TRPM3: variants seen among roughly 807,000 people sequenced by gnomAD.
The protein encoded by TRPM3 is transient receptor potential cation channel subfamily M member 3.
TRPM3 carries 77 observed loss-of-function variants against 181.2 expected under a neutral mutation model. That is an observed-to-expected ratio of 0.42 (90% CI 0.35 to 0.51). The LOEUF is 0.51. Ranked by LOEUF, TRPM3 falls within the 20% of genes least tolerant of loss-of-function variation. The pLI, the probability that TRPM3 is intolerant of heterozygous loss-of-function variation, is 0.01. For missense variants in TRPM3, 1,759 were observed against 2,196.7 expected (o/e 0.80, Z 3.98); for synonymous variants, 745 against 796.4 (o/e 0.94, Z 1.09).
In TRPM3 at chr9:70,552,833, T is replaced by C. The variant is rs200233710; in HGVS notation, c.3574+11A>G. On this transcript the variant is annotated intron_variant, in intron 24 of 25. Coordinates refer to ENST00000677713, the MANE Select transcript of TRPM3 (RefSeq NM_001366145.2). ...TGATTTGTGGCAGCTCGGCTGTCGC[T>C]TGAAGCTTACTCAGGCCGTAGTCCC... 2 of 1,613,546 alleles carry C rather than the reference T, an allele frequency of 1.2e-6. No homozygotes were observed. The highest frequency in any genetic ancestry group is 1.7e-6 in the Non-Finnish European group (2 of 1,179,994).
intron 1 of TRPM3, among the ~76,000 whole-genome samples, chr9:71,226,284 A>G (rs1178001810): frequency 1.3e-5 from 2 of 152,130 alleles, no homozygotes; most frequent in Non-Finnish European, 2.9e-5. Context: ...AGAGAAGGTG[A>G]CAAAGCTACC....
chr9:70,860,774 AAAT>A (rs2095501322), intron 3 of TRPM3, among the ~76,000 whole-genome samples: 1 of 152,190 alleles, frequency 6.6e-6, no homozygotes, highest in African/African-American at 2.4e-5. Flanking sequence ...AGACTGAAGC[AAAT>A]AATAGTGATG....
chr9:71,061,702 G>T (rs2061353335), intron 1 of TRPM3, among the ~76,000 whole-genome samples: 1 of 152,022 alleles, frequency 6.6e-6, no homozygotes, highest in East Asian at 1.9e-4. Context: ...ATACCTCATT[G>T]CTGGAGCAAT....
At chr9:70,986,859 G>A (rs185225432) in intron 1 of TRPM3, among the ~76,000 whole-genome samples, 125 of 152,036 alleles carry the variant, frequency 8.2e-4, no homozygotes, top group African/African-American at 2.9e-3. Context: ...ATCCCTCAAG[G>A]AGTATCGTTT....
At chr9:70,639,735 A>G (rs2057765362) in intron 10 of TRPM3, among the ~76,000 whole-genome samples, 2 of 146,952 alleles carry the variant, frequency 1.4e-5, no homozygotes, top group Admixed American at 1.4e-4. Context: ...CAACCAGCCT[A>G]CTTTCTGGAT....
intron 1 of TRPM3, among the ~76,000 whole-genome samples, chr9:71,272,419 G>T (rs1588225182): frequency 6.6e-6 from 1 of 152,056 alleles, no homozygotes; most frequent in East Asian, 1.9e-4. Flanking sequence ...ATGCCAACAT[G>T]TACTAACCGC....
intron 7 of TRPM3, 188 bp downstream of exon 7, chr9:70,783,917 C>A: frequency 7.5e-7 from 1 of 1,326,376 alleles, no homozygotes; most frequent in Non-Finnish European, 9.7e-7. Flanking sequence ...TCCCACTTCA[C>A]AGGACATTTA....
intron 1 of TRPM3, among the ~76,000 whole-genome samples, chr9:70,920,987 A>G (rs1210874226): frequency 6.6e-6 from 1 of 152,142 alleles, no homozygotes; most frequent in East Asian, 1.9e-4. Context: ...TTTGGTGTCT[A>G]TATATCTTTT....
intron 6 of TRPM3, among the ~76,000 whole-genome samples, chr9:70,792,661 CAGAGAGAGAG>C (rs9314786): frequency 6.8e-6 from 1 of 147,076 alleles, no homozygotes; most frequent in South Asian, 2.2e-4. Flanking sequence ...GACAGAAAGA[CAGAGAGAGAG>C]AGAGAGAGAG....
At chr9:70,911,695 A>G (rs1463979731) in intron 1 of TRPM3, among the ~76,000 whole-genome samples, 1 of 152,158 alleles carries the variant, frequency 6.6e-6, no homozygotes, top group African/African-American at 2.4e-5. Flanking sequence ...TTTCCCACTC[A>G]TTATCTAAAG....
intron 1 of TRPM3, among the ~76,000 whole-genome samples, chr9:71,420,813 A>G (rs200093832): frequency 0.72 from 7,857 of 10,914 alleles, 2,692 homozygotes; most frequent in East Asian, 0.76. Context: ...GAGAGAAAGA[A>G]AGAGAGAAAG....
chr9:71,297,698 G>A lies in TRPM3; in HGVS notation c.183+148955C>T, dbSNP rs115728667. Among the ~76,000 whole-genome samples, 619 of 152,258 alleles carry A rather than the reference G, an allele frequency of 4.1e-3. 5 individuals carry two copies. Among genetic ancestry groups the A allele is most frequent in the African/African-American group, 0.014 (595 of 41,558 alleles). ...GGGGATTATGGGAACTACAATTCAA[G>A]ATGAGATATGGGTTGGGACACAGCC... is the stretch of plus-strand genomic sequence containing the variant. On this transcript the variant is annotated intron_variant, in intron 1 of 24. Coordinates refer to the TRPM3 transcript ENST00000357533.
intron 1 of TRPM3, among the ~76,000 whole-genome samples, chr9:71,006,364 G>A (rs757521385): frequency 4.0e-5 from 6 of 151,630 alleles, no homozygotes; most frequent in Non-Finnish European, 7.4e-5. Flanking sequence ...GAATGTAAAT[G>A]AATTAAATTC....
intron 1 of TRPM3, among the ~76,000 whole-genome samples, chr9:71,109,320 T>C (rs956370246): frequency 2.6e-5 from 4 of 151,962 alleles, no homozygotes; most frequent in African/African-American, 9.7e-5. Context: ...TGGAGATTCC[T>C]GACTAATACA....
At chr9:70,780,374 A>G (rs751470721) in intron 7 of TRPM3, among the ~76,000 whole-genome samples, 7 of 152,186 alleles carry the variant, frequency 4.6e-5, no homozygotes, top group Non-Finnish European at 8.8e-5. Flanking sequence ...TCTATATCCA[A>G]TTCTATTTGT....
At chr9:71,034,676 T>C (rs2057966849) in intron 1 of TRPM3, among the ~76,000 whole-genome samples, 1 of 152,008 alleles carries the variant, frequency 6.6e-6, no homozygotes, top group South Asian at 2.1e-4. Context: ...TAACATCATC[T>C]CGGTAGCTTG....
chr9:70,738,584 A>G (rs1432257520), intron 8 of TRPM3, among the ~76,000 whole-genome samples: 1 of 152,108 alleles, frequency 6.6e-6, no homozygotes, highest in Non-Finnish European at 1.5e-5. Flanking sequence ...AACTAGAGAA[A>G]CAAGAACAAA....
At chr9:71,129,178 C>G (rs7872118) in intron 1 of TRPM3, among the ~76,000 whole-genome samples, 20,496 of 152,118 alleles carry the variant, frequency 0.13, 1,890 homozygotes, top group African/African-American at 0.26. Flanking sequence ...TTTTGACAAC[C>G]AGGAGCCTTT....
chr9:70,759,000 G>C (rs1345899948), intron 8 of TRPM3, among the ~76,000 whole-genome samples: 3 of 152,142 alleles, frequency 2.0e-5, no homozygotes. Flanking sequence ...TCAAACTAAA[G>C]AGCTTCTGCA....
Sources: allele counts gnomAD v4.1 joint callset (sites outside exome capture counted in the v4.1 genomes callset), GRCh38; gene constraint gnomAD v4.1.1; transcripts MANE v1.5; gene names NCBI Gene and HGNC (gene_info 2026-07-23, HGNC 2026-07-21).